The following FHOD3 variants were observed in gnomAD, a reference collection of about 807,000 sequenced individuals.
The protein encoded by FHOD3 is formin homology 2 domain containing 3.
A neutral mutation model predicts 173.0 loss-of-function variants in FHOD3; 90 were observed. The ratio of observed to expected loss-of-function variants is 0.52; its 90% confidence interval spans 0.44 to 0.62. The LOEUF (loss-of-function observed/expected upper bound fraction) is 0.62, where lower values mean the gene tolerates loss of function less well. FHOD3 is among the 20% of genes least tolerant of loss of function. The pLI, the probability that FHOD3 is intolerant of heterozygous loss-of-function variation, is 0.00. For synonymous variants in FHOD3, 828 were observed against 823.0 expected, an observed-to-expected ratio of 1.01 and a Z score of -0.10; for missense variants, 1,945 against 2,034.7, an observed-to-expected ratio of 0.96 and a Z score of 0.85.
intron 3 of FHOD3, among the ~76,000 whole-genome samples, chr18:36,437,933 A>T (rs1043800708): frequency 1.3e-5 from 2 of 152,024 alleles, no homozygotes; most frequent in Non-Finnish European, 1.5e-5. Flanking sequence ...AAGTGCTGGG[A>T]TTACAGGCAT....
intron 14 of FHOD3, among the ~76,000 whole-genome samples, chr18:36,679,925 A>G (rs907657001): frequency 1.5e-4 from 23 of 152,214 alleles, no homozygotes; most frequent in Admixed American, 1.2e-3. Context: ...CAAATCTATT[A>G]TATGCATAAC....
chr18:36,420,345 C>T (rs149727633), intron 3 of FHOD3, among the ~76,000 whole-genome samples: 115 of 152,322 alleles, frequency 7.5e-4, no homozygotes, highest in Non-Finnish European at 1.4e-3. Flanking sequence ...CAGCTGTGAA[C>T]ACCCAGGAAA....
chr18:36,409,390 A>G lies in FHOD3; in HGVS notation c.337+36646A>G, dbSNP rs375148643. The stretch of plus-strand genomic sequence containing the variant: ...CTGTCATGTCTGATCACCCTTCCTC[A>G]CCTTCCTCACCTGGCTAGCTCGTTG... On this transcript the variant is annotated intron_variant, in intron 3 of 28. Coordinates refer to ENST00000590592, the MANE Select transcript of FHOD3 (RefSeq NM_001281740.3). 3.9e-4 allele frequency among the ~76,000 whole-genome samples: 59 copies of G among 151,894 alleles called. No individual in the cohort carries two copies. The Middle Eastern group carries it at 0.017, about 44-fold the overall frequency.
At chr18:36,407,631 A>T (rs532574144) in intron 3 of FHOD3, among the ~76,000 whole-genome samples, 16 of 152,184 alleles carry the variant, frequency 1.1e-4, no homozygotes, top group African/African-American at 3.4e-4. Flanking sequence ...AGTTTGTCTG[A>T]CTCCGAAGAC....
At chr18:36,477,679 AG>A (rs1278486165) in intron 3 of FHOD3, among the ~76,000 whole-genome samples, 1 of 152,182 alleles carries the variant, frequency 6.6e-6, no homozygotes, top group Non-Finnish European at 1.5e-5. Flanking sequence ...GGAATGTACT[AG>A]GACTAGGTAC....
chr18:36,673,558 G>A (rs1425126191), intron 14 of FHOD3, among the ~76,000 whole-genome samples: 3 of 152,184 alleles, frequency 2.0e-5, no homozygotes, highest in Non-Finnish European at 4.4e-5. Flanking sequence ...GTCCCTGACA[G>A]TAGTGAACAC....
intron 16 of FHOD3, among the ~76,000 whole-genome samples, chr18:36,692,656 TA>T (rs925993333): frequency 8.5e-5 from 13 of 152,170 alleles, no homozygotes; most frequent in African/African-American, 2.9e-4. Flanking sequence ...TTTTAGAATA[TA>T]AAAAAAGTTT....
chr18:36,598,983 C>G (rs546338257), intron 7 of FHOD3, among the ~76,000 whole-genome samples: 103 of 152,242 alleles, frequency 6.8e-4, no homozygotes, highest in Non-Finnish European at 5.0e-4. Context: ...GGATCATCTT[C>G]TCTTTGCTTG....
At chr18:36,309,425 C>T (rs896233427) in intron 1 of FHOD3, among the ~76,000 whole-genome samples, 1 of 152,192 alleles carries the variant, frequency 6.6e-6, no homozygotes, top group African/African-American at 2.4e-5. Context: ...TTGCCAAACA[C>T]GGAGATTCTG....
chr18:36,726,886 G>A, intron 19 of FHOD3, among the ~76,000 whole-genome samples: 1 of 152,154 alleles, frequency 6.6e-6, no homozygotes, highest in East Asian at 1.9e-4. Flanking sequence ...TGTTGGCCAG[G>A]ATGGCCTCGA....
chr18:36,380,573 T>TTTCCTTTCCTTTCC lies in FHOD3; in HGVS notation c.337+7831_337+7832insCCTTTCCTTTCCTT, dbSNP rs1568196202. ...TTTTGTTTTCTTTTCTTTTCTTTTCTTTTCTTTTCCTTTCCTTTCCTTTCC... is the reference window on the plus strand; with the variant it reads ...TTTTGTTTTCTTTTCTTTTCTTTTCTTTCCTTTCCTTTCCTTTCTTTTCCTTTCCTTTCCTTTCC... On this transcript the variant is annotated intron_variant, in intron 3 of 28. Coordinates refer to ENST00000590592, the MANE Select transcript of FHOD3 (RefSeq NM_001281740.3). Among the ~76,000 whole-genome samples, 214 of 79,888 alleles carry TTTCCTTTCCTTTCC rather than the reference T, an allele frequency of 2.7e-3. 4 individuals carry two copies. The highest frequency in any genetic ancestry group is 0.011 in the African/African-American group (194 of 18,370). The allele number at this position is 79,888 out of a possible 152,430, so 52.4% of individuals were successfully genotyped here.
intron 3 of FHOD3, among the ~76,000 whole-genome samples, chr18:36,421,019 T>C (rs970942740): frequency 2.0e-5 from 3 of 152,290 alleles, no homozygotes; most frequent in Middle Eastern, 3.4e-3. Context: ...TGGCCATGAC[T>C]CAGCCAAAGT....
chr18:36,307,453 A>G (rs1029013993), intron 1 of FHOD3, among the ~76,000 whole-genome samples: 7 of 152,124 alleles, frequency 4.6e-5, no homozygotes, highest in African/African-American at 1.7e-4. Flanking sequence ...GTGACCTACA[A>G]CCTGCAGATA....
chr18:36,664,803 A>AGAGAGC (rs1555798259), intron 14 of FHOD3, among the ~76,000 whole-genome samples: 1 of 150,500 alleles, frequency 6.6e-6, no homozygotes, highest in Non-Finnish European at 1.5e-5. Flanking sequence ...AGAGAGAGAG[A>AGAGAGC]GAGAGAGAGA....
At chr18:36,662,911 C>T (rs770894042) in intron 14 of FHOD3, among the ~76,000 whole-genome samples, 1 of 152,158 alleles carries the variant, frequency 6.6e-6, no homozygotes, top group Non-Finnish European at 1.5e-5. Flanking sequence ...ACTTCTATAT[C>T]TTTGACCATT....
intron 1 of FHOD3, among the ~76,000 whole-genome samples, chr18:36,302,726 G>C (rs1373169241): frequency 6.6e-6 from 1 of 152,200 alleles, no homozygotes; most frequent in Non-Finnish European, 1.5e-5. Flanking sequence ...ACATCTGTTT[G>C]CTACATTACA....
intron 5 of FHOD3, among the ~76,000 whole-genome samples, chr18:36,520,526 C>T (rs568513252): frequency 1.3e-5 from 2 of 152,240 alleles, no homozygotes; most frequent in East Asian, 3.9e-4. Context: ...AATCTGACTC[C>T]TTCTTAGGTT....
chr18:36,554,306 A>G (rs572457568), intron 5 of FHOD3, among the ~76,000 whole-genome samples: 10 of 152,350 alleles, frequency 6.6e-5, no homozygotes, highest in South Asian at 6.2e-4. Flanking sequence ...ACTATGTAGC[A>G]TAAAAAAGGA....
At chr18:36,428,477 AG>A (rs1370011141) in intron 3 of FHOD3, among the ~76,000 whole-genome samples, 1 of 151,826 alleles carries the variant, frequency 6.6e-6, no homozygotes, top group Non-Finnish European at 1.5e-5. Context: ...AGTGTATGGG[AG>A]GTTTACTGCA....
Sources: allele counts gnomAD v4.1 joint callset (sites outside exome capture counted in the v4.1 genomes callset), GRCh38; gene constraint gnomAD v4.1.1; transcripts MANE v1.5; gene names NCBI Gene and HGNC (gene_info 2026-07-23, HGNC 2026-07-21).